UNC5C: variants seen among roughly 807,000 people sequenced by gnomAD.
The protein encoded by UNC5C is unc-5 netrin receptor C, also known as netrin receptor UNC5C.
UNC5C carries 47 observed loss-of-function variants against 99.8 expected under a neutral mutation model. That is an observed-to-expected ratio of 0.47 (90% CI 0.37 to 0.60). The LOEUF (loss-of-function observed/expected upper bound fraction) is 0.60. Ranked by LOEUF, UNC5C falls within the 20% of genes least tolerant of loss-of-function variation. The pLI is 0.00. For missense variants in UNC5C, 1,062 were observed against 1,165.9 expected, an observed-to-expected ratio of 0.91 and a Z score of 1.30; for synonymous variants, 487 against 452.2, an observed-to-expected ratio of 1.08 and a Z score of -0.98.
intron 1 of UNC5C, among the ~76,000 whole-genome samples, chr4:95,475,955 G>T (rs1748132443): frequency 6.6e-6 from 1 of 152,000 alleles, no homozygotes; most frequent in Non-Finnish European, 1.5e-5. Context: ...ATGCTTACCT[G>T]CATTATTATA....
chr4:95,239,643 T>C (rs1739257875), intron 7 of UNC5C, among the ~76,000 whole-genome samples: 1 of 152,184 alleles, frequency 6.6e-6, no homozygotes, highest in Non-Finnish European at 1.5e-5. Context: ...CTAATTTCTT[T>C]CTTTTGGACC....
chr4:95,420,542 T>G (rs34489677), intron 1 of UNC5C, among the ~76,000 whole-genome samples: 41,503 of 152,056 alleles, frequency 0.27, 6,241 homozygotes, highest in Admixed American at 0.34. Flanking sequence ...ATATAAAATA[T>G]TTTTTAGAGT....
intron 1 of UNC5C, among the ~76,000 whole-genome samples, chr4:95,545,752 TCACACACACGCGCGCGCGCGCA>T (rs1284342421): frequency 2.1e-5 from 3 of 142,542 alleles, no homozygotes; most frequent in Admixed American, 6.9e-5. Context: ...CACACTGATC[TCACACACACGCGCGCGCGCGCA>T]CACACACACA....
At chr4:95,170,090 A>G (rs1736027641) in intron 15 of UNC5C, 64 bp downstream of exon 15, 1 of 1,557,676 alleles carries the variant, frequency 6.4e-7, no homozygotes, top group Non-Finnish European at 8.7e-7. Flanking sequence ...CCTACGTCTA[A>G]TAGTTATCGG....
chr4:95,182,780 A>G (rs1057300613), intron 14 of UNC5C, 117 bp downstream of exon 14: 22 of 1,111,218 alleles, frequency 2.0e-5, no homozygotes, highest in Non-Finnish European at 2.6e-5. Context: ...TAGGATCTAT[A>G]GAAAGCTTTT....
intron 1 of UNC5C, among the ~76,000 whole-genome samples, chr4:95,341,564 G>A (rs1743583210): frequency 6.6e-6 from 1 of 151,810 alleles, no homozygotes; most frequent in African/African-American, 2.4e-5. Context: ...AGAAAGGAGG[G>A]AGGGAGAGAG....
At chr4:95,230,184 T>TGCAAATCTCTAA (rs1427494099) in intron 7 of UNC5C, among the ~76,000 whole-genome samples, 2 of 152,182 alleles carry the variant, frequency 1.3e-5, no homozygotes, top group African/African-American at 4.8e-5. Context: ...CGATTTGCAT[T>TGCAAATCTCTAA]TCTCTAATGA....
At chr4:95,460,971 A>C (rs1405434353) in intron 1 of UNC5C, among the ~76,000 whole-genome samples, 1 of 152,206 alleles carries the variant, frequency 6.6e-6, no homozygotes, top group Non-Finnish European at 1.5e-5. Context: ...AAAATTATAA[A>C]TAGCATACTT....
chr4:95,217,782 C>G (rs1369875751), intron 9 of UNC5C, among the ~76,000 whole-genome samples: 1 of 151,970 alleles, frequency 6.6e-6, no homozygotes, highest in Non-Finnish European at 1.5e-5. Flanking sequence ...AATGGAAGAA[C>G]CTTAAAGTAT....
At chr4:95,292,394 C>T (rs970692836) in intron 3 of UNC5C, among the ~76,000 whole-genome samples, 7 of 151,660 alleles carry the variant, frequency 4.6e-5, no homozygotes, top group South Asian at 2.1e-4. Context: ...TTCAGCCTCC[C>T]GGAGATTACA....
chr4:95,432,555 T>C (rs1746662021), intron 1 of UNC5C, among the ~76,000 whole-genome samples: 1 of 152,022 alleles, frequency 6.6e-6, no homozygotes, highest in Non-Finnish European at 1.5e-5. Flanking sequence ...ACACAGAGCC[T>C]GTTATAATCC....
chr4:95,363,205 A>C (rs1438197419), intron 1 of UNC5C, among the ~76,000 whole-genome samples: 1 of 152,100 alleles, frequency 6.6e-6, no homozygotes, highest in Non-Finnish European at 1.5e-5. Context: ...TCTCTGGCAG[A>C]CAGCTGCACC....
chr4:95,489,694 A>G (rs1238867439), intron 1 of UNC5C, among the ~76,000 whole-genome samples: 1 of 151,720 alleles, frequency 6.6e-6, no homozygotes. Context: ...TATGCCGTGA[A>G]ATCAGTCTCA....
chr4:95,303,613 C>A (rs575743609), intron 2 of UNC5C, among the ~76,000 whole-genome samples: 2 of 152,262 alleles, frequency 1.3e-5, no homozygotes, highest in East Asian at 3.9e-4. Flanking sequence ...GAGATGGAGT[C>A]TGCAGTGAGC....
At chr4:95,419,766 T>A (rs114772990) in intron 1 of UNC5C, among the ~76,000 whole-genome samples, 2,180 of 152,238 alleles carry the variant, frequency 0.014, 62 homozygotes, top group African/African-American at 0.05. Flanking sequence ...GATGCTTTTC[T>A]GGTCCATGTT....
chr4:95,327,910 C>A (rs375736238), intron 2 of UNC5C, among the ~76,000 whole-genome samples: 11 of 151,774 alleles, frequency 7.2e-5, no homozygotes, highest in African/African-American at 2.7e-4. Context: ...GGTGCAGGAA[C>A]CCAAAAAGGC....
At chr4:95,506,462 G>A (rs957469527) in intron 1 of UNC5C, among the ~76,000 whole-genome samples, 1 of 151,982 alleles carries the variant, frequency 6.6e-6, no homozygotes. Context: ...GTGATGTTAA[G>A]CATAATACTC....
At chr4:95,376,976 A>G (rs1371860574) in intron 1 of UNC5C, among the ~76,000 whole-genome samples, 1 of 152,158 alleles carries the variant, frequency 6.6e-6, no homozygotes, top group Non-Finnish European at 1.5e-5. Flanking sequence ...CGAAGTGCTA[A>G]TATCATTCTC....
chr4:95,370,367 T>C (rs1306745874), intron 1 of UNC5C, among the ~76,000 whole-genome samples: 1 of 152,188 alleles, frequency 6.6e-6, no homozygotes, highest in Admixed American at 6.5e-5. Context: ...TTATATTATA[T>C]AGCATCATCT....
Sources: gnomAD v4.1 joint callset for allele counts (sites outside exome capture counted in the v4.1 genomes callset) on GRCh38, gnomAD v4.1.1 for gene constraint, MANE v1.5 for transcripts, NCBI Gene and HGNC (gene_info 2026-07-23, HGNC 2026-07-21) for gene names.